The following AKR1B1 variants were observed in gnomAD, a reference collection of about 807,000 sequenced individuals.
The protein encoded by AKR1B1 is aldo-keto reductase family 1 member B1.
In AKR1B1, 22 loss-of-function variants were observed where a neutral mutation model predicts 40.4. The observed-to-expected ratio is 0.54, with a 90% confidence interval of 0.39 to 0.78. The LOEUF (loss-of-function observed/expected upper bound fraction) is 0.78. Ranked by LOEUF, AKR1B1 falls within the 30% of genes least tolerant of loss-of-function variation. The pLI is 0.00. For missense variants in AKR1B1, 357 were observed against 396.7 expected (o/e 0.90, Z 0.85); for synonymous variants, 157 against 149.9 (o/e 1.05, Z -0.35).
chr7:134,445,094 G>A (rs184117128), intron 9 of AKR1B1, 144 bp downstream of exon 9: 22 of 757,086 alleles, frequency 2.9e-5, no homozygotes, highest in Middle Eastern at 3.5e-4. Context: ...TGCAAGTCAC[G>A]TGGCTGAGAA....
In AKR1B1 at chr7:134,447,976, G is replaced by A; in HGVS notation, c.741+4C>T. 6.2e-7 allele frequency: 1 copy of A among 1,611,078 alleles called. No homozygotes were observed. Reference sequence around the variant, plus strand: ...ACGGTCAGCAACACCTGAAGTGGCTGTACCTGGGCTGTAGTTTTATTGTGC... The same window carrying A: ...ACGGTCAGCAACACCTGAAGTGGCTATACCTGGGCTGTAGTTTTATTGTGC... On this transcript the variant is annotated splice_donor_region_variant and intron_variant, in intron 7 of 9. Transcript: ENST00000285930.
At chr7:134,452,601 C>T (rs1185861279) in intron 1 of AKR1B1, among the ~76,000 whole-genome samples, 1 of 152,298 alleles carries the variant, frequency 6.6e-6, no homozygotes, top group East Asian at 1.9e-4. Context: ...CACTGGCACC[C>T]AGGTAGGCTG....
chr7:134,446,499 T>A (rs111382257), intron 8 of AKR1B1, among the ~76,000 whole-genome samples: 1,979 of 152,332 alleles, frequency 0.013, 53 homozygotes, highest in African/African-American at 0.046. Flanking sequence ...AGACAGAGCA[T>A]CCCTGGCAGA....
In AKR1B1 at chr7:134,445,241, A is replaced by C; in HGVS notation, c.905T>G (p.Leu302Trp). ...YNRNWRVCAL[L>W]SCTSHKDYPF... ...CCTCACACTGGGGCTCACTCACCTC[A>C]ACAAGGCACAGACCCTCCAGTTCCT... The change falls in exon 9 of 10, where the codon TTG (leucine) becomes TGG (tryptophan). Residue 302 changes from leucine to tryptophan, a missense_variant. By Grantham distance (61) the Leu-to-Trp change is moderately conservative. Coordinates refer to ENST00000285930, the MANE Select transcript of AKR1B1 (RefSeq NM_001628.4). The C allele has an allele frequency of 6.2e-7, 1 of 1,610,976 alleles. No homozygotes were observed. The highest frequency in any genetic ancestry group is 8.5e-7 in the Non-Finnish European group (1 of 1,179,330).
chr7:134,455,882 T>C (rs995952841), intron 1 of AKR1B1, among the ~76,000 whole-genome samples: 1 of 152,146 alleles, frequency 6.6e-6, no homozygotes. Context: ...TACTATCCAA[T>C]GTAGAAGGCA....
rs1412155083 is a variant in AKR1B1, at chr7:134,449,365, T to C, written c.430-246A>G. The C allele has an allele frequency of 2.3e-5, 13 of 573,978 alleles. No homozygotes were observed. In the East Asian group the frequency reaches 4.0e-4, roughly 18 times the overall value. 35.6% of individuals were successfully genotyped at this position (573,978 alleles called of 1,614,324 possible). On this transcript the variant is annotated intron_variant, in intron 4 of 9. Transcript: ENST00000285930. Reference sequence around the variant, plus strand: ...ACTTTGGGAGGCTGAGGCGGGCGGATCACGAGGTCAGGAGATCAAGACCAT... The same window carrying C: ...ACTTTGGGAGGCTGAGGCGGGCGGACCACGAGGTCAGGAGATCAAGACCAT...
At chr7:134,450,021 A>G (rs1806236299) in intron 3 of AKR1B1, among the ~76,000 whole-genome samples, 1 of 152,212 alleles carries the variant, frequency 6.6e-6, no homozygotes, top group African/African-American at 2.4e-5. Context: ...TTGGTCACAG[A>G]GACTAGCCCC....
At chr7:134,448,100 C>A in intron 6 of AKR1B1, 39 bp from the exon 7 acceptor site, 1 of 1,531,694 alleles carries the variant, frequency 6.5e-7, no homozygotes, top group Non-Finnish European at 9.0e-7. Flanking sequence ...ACCATCATGG[C>A]CACCACTCAC....
chr7:134,453,773 G>C (rs930224622), intron 1 of AKR1B1, among the ~76,000 whole-genome samples: 7 of 152,110 alleles, frequency 4.6e-5, no homozygotes, highest in African/African-American at 1.4e-4. Flanking sequence ...AAAGGTGCTG[G>C]AGGGAAAAAG....
intron 8 of AKR1B1, among the ~76,000 whole-genome samples, chr7:134,446,676 C>T (rs1806106808): frequency 6.6e-6 from 1 of 152,022 alleles, no homozygotes; most frequent in African/African-American, 2.4e-5. Flanking sequence ...AGCTGCCACA[C>T]TGAGCGCTTC....
rs547750546 is a variant in AKR1B1 at position 134,450,778 on chromosome 7, T to A, written c.351+8A>T. On this transcript the variant is annotated splice_region_variant and intron_variant, in intron 3 of 9. Transcript: ENST00000285930. ...CAAGGGACCTGGTCTGCACCAGGCA[T>A]CCCATACCTTAAAGCCAGTCGGCCA... The A allele has an allele frequency of 6.2e-7, 1 of 1,611,308 alleles. No individual in the cohort carries two copies. Among genetic ancestry groups the A allele is most frequent in the African/African-American group, 1.3e-5 (1 of 74,980 alleles).
upstream of AKR1B1, chr7:134,459,230 A>T: frequency 5.1e-6 from 4 of 789,066 alleles, no homozygotes; most frequent in South Asian, 4.9e-5. Flanking sequence ...GGCCTTCCCC[A>T]AGGGTCGGCG....
At chr7:134,456,055 G>A (rs1042784346) in intron 1 of AKR1B1, among the ~76,000 whole-genome samples, 4 of 152,150 alleles carry the variant, frequency 2.6e-5, no homozygotes, top group East Asian at 1.9e-4. Context: ...CAACACAGCC[G>A]CTACGGCATG....
intron 1 of AKR1B1, among the ~76,000 whole-genome samples, chr7:134,458,483 G>A (rs753421963): frequency 2.3e-4 from 35 of 152,220 alleles, no homozygotes; most frequent in Non-Finnish European, 3.4e-4. Flanking sequence ...CCTCAGGGAG[G>A]GCAAGAATCG....
At position 134,446,687 on chromosome 7, in the gene AKR1B1, G is replaced by A. The variant is rs550120998; in HGVS notation, c.825+611C>T. 1.4e-3 allele frequency among the ~76,000 whole-genome samples: 208 copies of A among 151,962 alleles called. 1 individual carries two copies. The highest frequency in any genetic ancestry group is 4.9e-3 in the African/African-American group (202 of 41,488). ...CTCCAGCTGCCACACTGAGCGCTTC[G>A]CCAGAGTCCTGACACAGGTCTAGGC... On this transcript the variant is annotated intron_variant, in intron 8 of 9. Coordinates refer to ENST00000285930, the MANE Select transcript of AKR1B1 (RefSeq NM_001628.4).
chr7:134,453,733 G>A (rs967901347), intron 1 of AKR1B1, among the ~76,000 whole-genome samples: 4 of 152,138 alleles, frequency 2.6e-5, no homozygotes, highest in East Asian at 1.9e-4. Context: ...TGTGCCATTC[G>A]CTGGAGACAT....
chr7:134,447,824 AC>A, intron 7 of AKR1B1, 155 bp downstream of exon 7: 1 of 747,836 alleles, frequency 1.3e-6, no homozygotes, highest in Non-Finnish European at 2.4e-6. Flanking sequence ...GTCTTCTAAA[AC>A]CCCGATCTGT....
rs749559219 is a variant in AKR1B1 at position 134,442,768 on chromosome 7, C to G, written c.911G>C (p.Cys304Ser). The stretch of plus-strand genomic sequence containing the variant: ...GAAGGGGTAATCCTTGTGGGAGGTA[C>G]AGCTGTCAGGAGAAAGGAGAAAACA... ...RNWRVCALLS[C>S]TSHKDYPFHE... Residue 304 changes from cysteine to serine, a missense_variant and splice_region_variant, in exon 10 of 10, where the codon TGT becomes TCT. Coordinates refer to ENST00000285930, the MANE Select transcript of AKR1B1 (RefSeq NM_001628.4). 6.2e-7 allele frequency: 1 copy of G among 1,613,950 alleles called. No homozygotes were observed. The highest frequency in any genetic ancestry group is 1.3e-5 in the African/African-American group (1 of 74,930).
chr7:134,459,210 G>A (rs979148333), upstream of AKR1B1: 45 of 945,988 alleles, frequency 4.8e-5, no homozygotes, highest in African/African-American at 6.5e-5. Context: ...TGCGCTGGGG[G>A]TGCCGCGGCG....
Sources: allele counts gnomAD v4.1 joint callset (sites outside exome capture counted in the v4.1 genomes callset), GRCh38; gene constraint gnomAD v4.1.1; transcripts MANE v1.5; gene names NCBI Gene and HGNC (gene_info 2026-07-23, HGNC 2026-07-21).